The following DDX60 variants were observed in gnomAD, a reference collection of about 807,000 sequenced individuals.
DDX60 encodes the protein DExD/H-box helicase 60.
Under a neutral mutation model 212.8 loss-of-function variants are expected in DDX60, and 165 were observed. The ratio of observed to expected loss-of-function variants is 0.78; its 90% CI spans 0.68 to 0.88. The LOEUF (loss-of-function observed/expected upper bound fraction) is 0.88, where lower values mean the gene tolerates loss of function less well. DDX60 is among the 40% of genes least tolerant of loss of function. DDX60 has a pLI of 0.00. For synonymous variants in DDX60, 703 were observed against 685.3 expected (o/e 1.03, Z -0.40); for missense variants, 1,905 against 2,003.9 (o/e 0.95, Z 0.94).
intron 12 of DDX60, among the ~76,000 whole-genome samples, chr4:168,283,923 A>C (rs1449585993): frequency 6.6e-6 from 1 of 152,188 alleles, no homozygotes; most frequent in Non-Finnish European, 1.5e-5. Flanking sequence ...AGGCAGAGTG[A>C]AGAAGACAAC....
chr4:168,255,649 C>T, intron 26 of DDX60, 62 bp downstream of exon 26: 2 of 1,373,248 alleles, frequency 1.5e-6, no homozygotes, highest in Non-Finnish European at 2.0e-6. Context: ...TTTACGTTTC[C>T]TACTAGGACT....
chr4:168,252,166 C>T (rs920061377), intron 27 of DDX60, among the ~76,000 whole-genome samples: 5 of 152,104 alleles, frequency 3.3e-5, no homozygotes, highest in Non-Finnish European at 7.4e-5. Flanking sequence ...GTAATAGAAA[C>T]AAATAACGAA....
chr4:168,239,621 A>G (rs1733768023), intron 30 of DDX60, among the ~76,000 whole-genome samples: 2 of 152,260 alleles, frequency 1.3e-5, no homozygotes, highest in South Asian at 4.1e-4. Flanking sequence ...ATGTTAGAGC[A>G]AAGAATTTAA....
At chr4:168,226,559 T>C (rs1051925813) in intron 33 of DDX60, among the ~76,000 whole-genome samples, 5 of 152,108 alleles carry the variant, frequency 3.3e-5, no homozygotes, top group Non-Finnish European at 7.4e-5. Context: ...CAGGTGTGTA[T>C]ATTCATGGAT....
chr4:168,218,172 G>T (rs1156229579), intron 37 of DDX60, among the ~76,000 whole-genome samples: 1 of 152,066 alleles, frequency 6.6e-6, no homozygotes, highest in African/African-American at 2.4e-5. Context: ...CACAAAAATT[G>T]ATCAGTTCTG....
chr4:168,311,596 T>C (rs1737137416), intron 1 of DDX60, among the ~76,000 whole-genome samples: 1 of 152,120 alleles, frequency 6.6e-6, no homozygotes, highest in Admixed American at 6.6e-5. Flanking sequence ...AAAGAAATAA[T>C]GCTTGAGCTG....
chr4:168,287,184 T>A lies in DDX60; in HGVS notation c.1203A>T (p.Gly401=), dbSNP rs1735898462. ...ENVKGLHLNL[G]DTIMKDYEYL... ...ATTCATAATCTTTCATAATGGTATC[T>A]CCCAAATTCAAATGTAGGCCTACAT... Residue 401 remains glycine (G), a synonymous_variant, in exon 10 of 38, where the codon GGA becomes GGT. Transcript: ENST00000393743. The A allele has an allele frequency of 6.2e-7, 1 of 1,608,040 alleles. No individual in the cohort carries two copies. The highest frequency in any genetic ancestry group is 1.7e-5 in the Admixed American group (1 of 58,638).
chr4:168,241,914 A>T (rs1039617767), intron 30 of DDX60, among the ~76,000 whole-genome samples: 2 of 152,110 alleles, frequency 1.3e-5, no homozygotes, highest in Admixed American at 1.3e-4. Context: ...AGATTTAGGA[A>T]AAAAAACTGG....
At position 168,278,362 on chromosome 4, in the gene DDX60, G is replaced by A. The variant is rs192344577; in HGVS notation, c.1978+1973C>T. Reference sequence around the variant, plus strand: ...AGTTAAGATAGAAGGTGGAAGACATGAATAGAAAATATTTTCCAGGTGATG... The same window carrying A: ...AGTTAAGATAGAAGGTGGAAGACATAAATAGAAAATATTTTCCAGGTGATG... On this transcript the variant is annotated intron_variant, in intron 14 of 37. Transcript: ENST00000393743. Among the ~76,000 whole-genome samples the A allele has an allele frequency of 7.2e-4, 110 of 152,290 alleles. 1 individual carries two copies. Among genetic ancestry groups the A allele is most frequent in the Non-Finnish European group, 5.7e-4 (39 of 68,016 alleles).
chr4:168,265,874 AGGG>A (rs1734826124), intron 22 of DDX60, among the ~76,000 whole-genome samples: 4 of 146,542 alleles, frequency 2.7e-5, no homozygotes, highest in Non-Finnish European at 6.0e-5. Context: ...AGGGAAGGGA[AGGG>A]AAGGGAAGGG....
chr4:168,246,485 A>G lies in DDX60; in HGVS notation c.4097T>C (p.Ile1366Thr). The G allele has an allele frequency of 1.9e-6, 3 of 1,614,086 alleles. No homozygotes were observed. The highest frequency in any genetic ancestry group is 2.5e-6 in the Non-Finnish European group (3 of 1,179,986). The change falls in exon 30 of 38, where the codon ATA becomes ACA. Residue 1366 changes from isoleucine (I) to threonine (T), a missense_variant. Physicochemically the swap from Ile to Thr is moderately conservative, Grantham distance 89 (BLOSUM62 -1). Transcript: ENST00000393743. ...PELRGHFPLS[I>T]TLVLRLMLLA... ...CAGCATGAGTCGCAGGACCAGGGTT[A>G]TGCTGAGAGGGAAGTGTCCTCTCAG... is the stretch of plus-strand genomic sequence containing the variant.
chr4:168,266,944 A>G (rs1040807754), intron 22 of DDX60, among the ~76,000 whole-genome samples: 1 of 152,208 alleles, frequency 6.6e-6, no homozygotes, highest in Admixed American at 6.5e-5. Flanking sequence ...TTTGGAATAT[A>G]TTTAAGGTTT....
chr4:168,220,684 C>T lies in DDX60; in HGVS notation c.5010G>A (p.Lys1670=). Reference sequence around the variant, plus strand: ...TAGATTTAATGGTGAGTGCAAAATCCTTCAACAAATAATAAGCATCTCCTT... The same window carrying T: ...TAGATTTAATGGTGAGTGCAAAATCTTTCAACAAATAATAAGCATCTCCTT... ...MNEGDAYYLL[K]DFALTIKSIS... The change falls in exon 37 of 38, where the codon AAG becomes AAA. Residue 1670 remains lysine, a synonymous_variant. Coordinates refer to ENST00000393743, the MANE Select transcript of DDX60 (RefSeq NM_017631.6). 1 of 1,455,894 alleles carries T rather than the reference C, an allele frequency of 6.9e-7. No individual in the cohort carries two copies. Among genetic ancestry groups the T allele is most frequent in the Non-Finnish European group, 9.1e-7 (1 of 1,100,020 alleles). 90.2% of individuals were successfully genotyped at this position (1,455,894 alleles called of 1,614,324 possible). A position where few individuals can be genotyped will look rare whatever the true frequency, so the allele number is the denominator to read the frequency against.
At chr4:168,265,281 A>G (rs760789250) in intron 22 of DDX60, among the ~76,000 whole-genome samples, 2 of 152,168 alleles carry the variant, frequency 1.3e-5, no homozygotes, top group Admixed American at 1.3e-4. Context: ...ATGTTGCCAT[A>G]GTTTATTATG....
At chr4:168,288,665 A>C (rs375538721) in intron 8 of DDX60, among the ~76,000 whole-genome samples, 2 of 152,156 alleles carry the variant, frequency 1.3e-5, no homozygotes, top group African/African-American at 4.8e-5. Flanking sequence ...CTTTATTTAG[A>C]TTTTAATATG....
intron 8 of DDX60, among the ~76,000 whole-genome samples, chr4:168,290,062 G>C (rs1079395): frequency 0.031 from 4,664 of 152,268 alleles, 99 homozygotes; most frequent in Non-Finnish European, 0.048. Context: ...AGTTACATCT[G>C]TATTTTCTTA....
intron 10 of DDX60, among the ~76,000 whole-genome samples, chr4:168,285,937 A>AAGGG (rs1432656108): frequency 3.1e-5 from 3 of 97,216 alleles, no homozygotes; most frequent in East Asian, 2.9e-4. Context: ...GGAAGGAAGG[A>AAGGG]AGGGAGGAAG....
chr4:168,286,447 TAGATAG>T (rs1735862496), intron 10 of DDX60, among the ~76,000 whole-genome samples: 2 of 143,868 alleles, frequency 1.4e-5, no homozygotes, highest in South Asian at 2.2e-4. Flanking sequence ...GATAGATAGA[TAGATAG>T]ATATTACATA....
intron 15 of DDX60, among the ~76,000 whole-genome samples, 186 bp from the exon 16 acceptor site, chr4:168,275,689 C>T (rs1348672860): frequency 2.0e-5 from 3 of 152,086 alleles, no homozygotes. Flanking sequence ...AAATATACGT[C>T]ATGATATTTG....
Sources: gnomAD v4.1 joint callset for allele counts (sites outside exome capture counted in the v4.1 genomes callset) on GRCh38, gnomAD v4.1.1 for gene constraint, MANE v1.5 for transcripts, NCBI Gene and HGNC (gene_info 2026-07-23, HGNC 2026-07-21) for gene names.